MFF: variants seen among roughly 807,000 people sequenced by gnomAD.
The protein encoded by MFF is mitochondrial fission factor.
A neutral mutation model predicts 36.9 loss-of-function variants in MFF; 12 were observed. The observed-to-expected ratio is 0.33, with a 90% confidence interval of 0.21 to 0.53. The LOEUF (loss-of-function observed/expected upper bound fraction) is 0.53. Ranked by LOEUF, MFF falls within the 20% of genes least tolerant of loss-of-function variation. MFF has a pLI of 0.95. For synonymous variants in MFF, 99 were observed against 126.2 expected (o/e 0.78, Z 1.44); for missense variants, 348 against 366.6 (o/e 0.95, Z 0.42).
intron 6 of MFF, 40 bp downstream of exon 6, chr2:227,347,424 AT>A: frequency 5.0e-6 from 8 of 1,601,394 alleles, no homozygotes; most frequent in Non-Finnish European, 6.8e-6. Context: ...TTTATTGCAT[AT>A]TTTTTGGCCT....
chr2:227,337,461 G>A (rs974637363), intron 4 of MFF, among the ~76,000 whole-genome samples: 34 of 152,244 alleles, frequency 2.2e-4, no homozygotes, highest in Non-Finnish European at 4.4e-5. Context: ...TCCTGAAGAA[G>A]AGGTGGGCTT....
chr2:227,331,959 ATTTTT>A lies in MFF; in HGVS notation c.182-434_182-430del, dbSNP rs10549336. Among the ~76,000 whole-genome samples the A allele has an allele frequency of 1.8e-3, 138 of 76,828 alleles. 18 individuals are homozygous for A. The highest frequency in any genetic ancestry group is 4.6e-3 in the South Asian group (9 of 1,970). The allele number at this position is 76,828 out of a possible 152,430, so 50.4% of individuals were successfully genotyped here. Reference sequence around the variant, plus strand: ...AGTGAAATGTCAATACGCTGGAAGCATTTTTTTTTTTTTTTTTTTTTTTTTTTTTT... The same window carrying A: ...AGTGAAATGTCAATACGCTGGAAGCATTTTTTTTTTTTTTTTTTTTTTTTT... On this transcript the variant is annotated intron_variant, in intron 3 of 8. Transcript: ENST00000304593.
Position 227,357,021 on chromosome 2 carries a change from AGAG to A in MFF, c.784_786del (p.Glu262del). The A allele has an allele frequency of 6.2e-7, 1 of 1,613,326 alleles. No individual in the cohort carries two copies. The highest frequency in any genetic ancestry group is 8.5e-7 in the Non-Finnish European group (1 of 1,179,596). ...TAAATAGACGTCTACAACTTCTGGA[AGAG>A]GAGAACAAAGAACGTGCTAAAAGAG... On this transcript the variant is annotated inframe_deletion, in exon 9 of 9. Coordinates refer to ENST00000304593, the MANE Select transcript of MFF (RefSeq NM_001277062.2).
Position 227,347,216 on chromosome 2 carries a change from G to GTGTAAACA in MFF, c.441-9_441-2dup. 1 of 1,612,216 alleles carries GTGTAAACA rather than the reference G, an allele frequency of 6.2e-7. No individual in the cohort carries two copies. The highest frequency in any genetic ancestry group is 8.5e-7 in the Non-Finnish European group (1 of 1,178,618). The stretch of plus-strand genomic sequence containing the variant: ...GTTTTTCTCTTCATTTGCTGTGCTT[G>GTGTAAACA]TGTAAACAGTGTGACACCATCGCCA... On this transcript the variant is annotated splice_polypyrimidine_tract_variant and intron_variant, in intron 5 of 8. Transcript: ENST00000304593.
In MFF at chr2:227,329,935, C is replaced by A. The variant is rs112871365; in HGVS notation, c.-40-691C>A. ...CTTTCTACTGCATTAAAAAAAAAAA[C>A]ACATGTAAATATGATATTAAATACA... On this transcript the variant is annotated intron_variant, in intron 2 of 8. Transcript: ENST00000304593. 750 of 443,394 alleles carry A rather than the reference C, an allele frequency of 1.7e-3. 10 individuals are homozygous for A. The highest frequency in any genetic ancestry group is 2.5e-3 in the Non-Finnish European group (623 of 248,296). The allele number at this position is 443,394 out of a possible 1,614,324, so 27.5% of individuals were successfully genotyped here.
chr2:227,336,328 A>T (rs1203307312), intron 4 of MFF, among the ~76,000 whole-genome samples: 2 of 152,228 alleles, frequency 1.3e-5, no homozygotes, highest in African/African-American at 4.8e-5. Context: ...TGGTCTAAAG[A>T]TAGAGAGTAA....
intron 5 of MFF, chr2:227,346,322 CAGTT>C (rs1284327381): frequency 3.0e-5 from 5 of 167,012 alleles, no homozygotes; most frequent in Non-Finnish European, 7.3e-5. Context: ...GTCTGTATGT[CAGTT>C]AAATACCTCA....
In MFF at chr2:227,357,385, G is replaced by A. The variant is rs2076310005; in HGVS notation, c.*268G>A. ...TGTTTTGTAAATAGGCTCCAGTTTT[G>A]TTTTTTAAAAGGAATTTATTTTTTG... On this transcript the variant is annotated 3_prime_UTR_variant, in exon 9 of 9. Transcript: ENST00000304593. 3.5e-6 allele frequency: 1 copy of A among 282,048 alleles called. No homozygotes were observed. 17.5% of individuals were successfully genotyped at this position (282,048 alleles called of 1,614,324 possible).
intron 2 of MFF, chr2:227,329,220 T>C (rs2074392998): frequency 1.3e-5 from 2 of 152,596 alleles, no homozygotes; most frequent in Non-Finnish European, 2.9e-5. Context: ...ATTTACTTTT[T>C]ACCCTTTGTA....
chr2:227,343,001 A>G (rs1446354844), intron 5 of MFF, among the ~76,000 whole-genome samples: 1 of 152,106 alleles, frequency 6.6e-6, no homozygotes, highest in Non-Finnish European at 1.5e-5. Context: ...TAAGGAAAAA[A>G]AAAAACTAGA....
At chr2:227,337,433 C>T (rs540269644) in intron 4 of MFF, among the ~76,000 whole-genome samples, 29 of 152,324 alleles carry the variant, frequency 1.9e-4, no homozygotes, top group African/African-American at 5.8e-4. Context: ...AGGAAAAACA[C>T]GAAGGCTCTG....
At chr2:227,356,691 G>A (rs750887717) in intron 8 of MFF, among the ~76,000 whole-genome samples, 5 of 152,114 alleles carry the variant, frequency 3.3e-5, no homozygotes, top group African/African-American at 4.8e-5. Flanking sequence ...CAGAATAACA[G>A]TAGGTAACCG....
intron 5 of MFF, among the ~76,000 whole-genome samples, chr2:227,340,837 G>C (rs139924472): frequency 6.6e-6 from 1 of 152,014 alleles, no homozygotes; most frequent in East Asian, 1.9e-4. Context: ...ATCAAATTCT[G>C]ATCTTAAAGC....
At chr2:227,338,813 CG>C (rs1559963022) in intron 4 of MFF, among the ~76,000 whole-genome samples, 2 of 148,754 alleles carry the variant, frequency 1.3e-5, no homozygotes, top group Non-Finnish European at 3.0e-5. Flanking sequence ...GCAGCCTGGG[CG>C]ACAGAACAAG....
intron 4 of MFF, among the ~76,000 whole-genome samples, chr2:227,334,728 C>A (rs2074856609): frequency 6.6e-6 from 1 of 152,106 alleles, no homozygotes; most frequent in Admixed American, 6.6e-5. Context: ...TCTCTATCTA[C>A]AAGATGCCAT....
intron 4 of MFF, among the ~76,000 whole-genome samples, chr2:227,333,546 T>C (rs903350700): frequency 2.6e-5 from 4 of 152,210 alleles, no homozygotes; most frequent in Non-Finnish European, 5.9e-5. Context: ...TAGGAATTAA[T>C]GAGACATAGT....
chr2:227,332,238 C>T (rs2074652857), intron 3 of MFF, among the ~76,000 whole-genome samples, 181 bp from the exon 4 acceptor site: 1 of 151,892 alleles, frequency 6.6e-6, no homozygotes, highest in South Asian at 2.1e-4. Flanking sequence ...TCCCAAAGTG[C>T]TGGGATTACA....
chr2:227,340,573 A>T (rs1477253250), intron 5 of MFF, 193 bp downstream of exon 5: 5 of 533,530 alleles, frequency 9.4e-6, no homozygotes, highest in Non-Finnish European at 1.7e-5. Context: ...CAGTCACCTT[A>T]TCCTTTCCTG....
At chr2:227,338,936 C>T (rs1420131794) in intron 4 of MFF, among the ~76,000 whole-genome samples, 1 of 151,196 alleles carries the variant, frequency 6.6e-6, no homozygotes, top group Non-Finnish European at 1.5e-5. Context: ...GGCTCAGTGG[C>T]TCACACCTGT....
Sources: allele counts gnomAD v4.1 joint callset (sites outside exome capture counted in the v4.1 genomes callset), GRCh38; gene constraint gnomAD v4.1.1; transcripts MANE v1.5; gene names NCBI Gene and HGNC (gene_info 2026-07-23, HGNC 2026-07-21).